RAP1A: variants seen among roughly 807,000 people sequenced by gnomAD.
RAP1A encodes ras-related protein Rap-1A.
RAP1A carries 6 observed loss-of-function variants against 26.4 expected under a neutral mutation model. That is an observed-to-expected ratio of 0.23 (90% CI 0.12 to 0.45). The LOEUF is 0.45. RAP1A is among the 20% of genes least tolerant of loss of function. The probability of loss-of-function intolerance (pLI) is 0.99; values close to 1 mark genes in which losing one functional copy is unlikely to be tolerated. For synonymous variants in RAP1A, 73 were observed against 79.4 expected (o/e 0.92, Z 0.43); for missense variants, 121 against 217.2 (o/e 0.56, Z 2.78).
intron 1 of RAP1A, among the ~76,000 whole-genome samples, chr1:111,580,133 A>G (rs925601671): frequency 1.3e-5 from 2 of 152,158 alleles, no homozygotes; most frequent in African/African-American, 4.8e-5. Context: ...AAAGTGAAAA[A>G]CATAATAGTT....
rs76425959 is a variant in RAP1A, at chr1:111,670,918, A to G, written c.-27-20416A>G. Among the ~76,000 whole-genome samples, 822 of 152,324 alleles carry G rather than the reference A, an allele frequency of 5.4e-3. 5 individuals are homozygous for G. Among genetic ancestry groups the G allele is most frequent in the Non-Finnish European group, 8.9e-3 (607 of 68,020 alleles). On this transcript the variant is annotated intron_variant, in intron 1 of 7. Coordinates refer to ENST00000369709, the MANE Select transcript of RAP1A (RefSeq NM_002884.4). Reference sequence around the variant, plus strand: ...AAAATTTTACTCTTGAATATGTAAGATGGTTGGATTAAATATTTTAATCCT... The same window carrying G: ...AAAATTTTACTCTTGAATATGTAAGGTGGTTGGATTAAATATTTTAATCCT...
At position 111,594,567 on chromosome 1, in the gene RAP1A, G is replaced by GGGAAGGAA. The variant is rs199741781; in HGVS notation, c.-28+52073_-28+52080dup. Among the ~76,000 whole-genome samples, 39 of 141,460 alleles carry GGGAAGGAA rather than the reference G, an allele frequency of 2.8e-4. 1 individual carries two copies. The highest frequency in any genetic ancestry group is 4.5e-4 in the South Asian group (2 of 4,416). The allele number at this position is 141,460 out of a possible 152,430, so 92.8% of individuals were successfully genotyped here. On this transcript the variant is annotated intron_variant, in intron 1 of 7. Transcript: ENST00000356415. ...AAGAAAGAAAGAAGGAAAGGAGGGA[G>GGGAAGGAA]GGAAGGAAGGAAGGAAGGAAGGGAG...
intron 7 of RAP1A, among the ~76,000 whole-genome samples, chr1:111,710,468 G>A (rs1204697789): frequency 6.6e-6 from 1 of 152,144 alleles, no homozygotes; most frequent in African/African-American, 2.4e-5. Flanking sequence ...TTATTTTCAT[G>A]GAGTGGATTT....
chr1:111,582,124 A>G (rs1658269067), intron 1 of RAP1A, among the ~76,000 whole-genome samples: 1 of 152,248 alleles, frequency 6.6e-6, no homozygotes, highest in Non-Finnish European at 1.5e-5. Context: ...TCAGCCTTGA[A>G]TGATGAGCAG....
At chr1:111,630,345 T>G (rs1156229211) in intron 1 of RAP1A, among the ~76,000 whole-genome samples, 1 of 152,180 alleles carries the variant, frequency 6.6e-6, no homozygotes. Context: ...TTCCCTACAG[T>G]AATAATAAAC....
At chr1:111,631,593 A>C (rs2101104189) in intron 1 of RAP1A, among the ~76,000 whole-genome samples, 1 of 152,312 alleles carries the variant, frequency 6.6e-6, no homozygotes, top group Admixed American at 6.5e-5. Context: ...CTTCCAGAAG[A>C]AGGGACTTTT....
chr1:111,686,031 A>G (rs1216107052), intron 1 of RAP1A, among the ~76,000 whole-genome samples: 1 of 150,242 alleles, frequency 6.7e-6, no homozygotes, highest in Non-Finnish European at 1.5e-5. Flanking sequence ...GGAACAGAAA[A>G]CCAAACACCA....
intron 1 of RAP1A, among the ~76,000 whole-genome samples, chr1:111,655,436 C>G (rs758501550): frequency 1.6e-4 from 25 of 151,592 alleles, no homozygotes; most frequent in Non-Finnish European, 2.5e-4. Flanking sequence ...TACGCATTCA[C>G]AAAAGAAAAA....
intron 1 of RAP1A, among the ~76,000 whole-genome samples, chr1:111,668,603 G>A (rs1468467854): frequency 5.9e-5 from 9 of 152,158 alleles, no homozygotes; most frequent in Admixed American, 5.9e-4. Context: ...GTAGAACCAG[G>A]ATTCTAGCCA....
At chr1:111,667,634 A>G (rs953399899) in intron 1 of RAP1A, among the ~76,000 whole-genome samples, 1 of 151,504 alleles carries the variant, frequency 6.6e-6, no homozygotes, top group Admixed American at 6.6e-5. Context: ...GTGAGCCAAG[A>G]TCGCGCCATC....
chr1:111,686,257 A>T (rs114074942), intron 1 of RAP1A, among the ~76,000 whole-genome samples: 3,722 of 152,274 alleles, frequency 0.024, 134 homozygotes, highest in African/African-American at 0.084. Context: ...GTATTCCAGA[A>T]TTTAAAGTAT....
At chr1:111,605,347 G>C (rs1364071905) in intron 1 of RAP1A, among the ~76,000 whole-genome samples, 1 of 152,170 alleles carries the variant, frequency 6.6e-6, no homozygotes, top group Non-Finnish European at 1.5e-5. Context: ...TGGATCCCCA[G>C]GGCCTAATGG....
At chr1:111,668,784 T>G (rs543704824) in intron 1 of RAP1A, among the ~76,000 whole-genome samples, 516 of 152,112 alleles carry the variant, frequency 3.4e-3, no homozygotes, top group African/African-American at 0.011. Context: ...TCCCAGCACT[T>G]TGGGAGGCCA....
upstream of RAP1A, chr1:111,542,085 CTT>C (rs35807618): frequency 0.4 from 66,917 of 167,332 alleles, 11,860 homozygotes; most frequent in Admixed American, 0.49. Flanking sequence ...TGCAAAGAAG[CTT>C]TTTTTTTTTT....
At chr1:111,592,825 T>A (rs1443084798) in intron 1 of RAP1A, among the ~76,000 whole-genome samples, 4 of 152,106 alleles carry the variant, frequency 2.6e-5, no homozygotes, top group Non-Finnish European at 5.9e-5. Context: ...CCCCCTCCCA[T>A]CTGCACGCCC....
At chr1:111,687,119 C>A (rs1002098181) in intron 1 of RAP1A, among the ~76,000 whole-genome samples, 1 of 151,674 alleles carries the variant, frequency 6.6e-6, no homozygotes, top group African/African-American at 2.4e-5. Flanking sequence ...TACCATCTTG[C>A]CTTTTGCCTT....
intron 4 of RAP1A, among the ~76,000 whole-genome samples, chr1:111,700,518 A>G (rs368264606): frequency 5.9e-5 from 9 of 152,196 alleles, no homozygotes; most frequent in East Asian, 1.9e-4. Flanking sequence ...CATGACCCAA[A>G]TACCTCCCAC....
chr1:111,663,543 C>G (rs1660701767), intron 1 of RAP1A, among the ~76,000 whole-genome samples: 1 of 152,194 alleles, frequency 6.6e-6, no homozygotes, highest in Non-Finnish European at 1.5e-5. Context: ...TATGCATTAT[C>G]TAATTTGGTG....
chr1:111,630,246 G>T (rs1659527788), intron 1 of RAP1A, among the ~76,000 whole-genome samples: 1 of 152,136 alleles, frequency 6.6e-6, no homozygotes, highest in Admixed American at 6.6e-5. Context: ...AGAATATTAT[G>T]TACATTTTTC....
Sources: allele counts gnomAD v4.1 joint callset (sites outside exome capture counted in the v4.1 genomes callset), GRCh38; gene constraint gnomAD v4.1.1; transcripts MANE v1.5; gene names NCBI Gene and HGNC (gene_info 2026-07-23, HGNC 2026-07-21).